Variants in WNK1 observed in about 807,000 individuals in gnomAD.
WNK1 encodes WNK lysine deficient protein kinase 1, also known as serine/threonine-protein kinase WNK1.
WNK1 carries 38 observed loss-of-function variants against 222.8 expected under a neutral mutation model. The observed-to-expected ratio is 0.17, with a 90% CI of 0.13 to 0.22. The LOEUF (loss-of-function observed/expected upper bound fraction) is 0.22, where lower values mean the gene tolerates loss of function less well. WNK1 is among the 10% of genes least tolerant of loss of function. WNK1 has a pLI of 1.00. For missense variants in WNK1, 2,348 were observed against 2,918.4 expected, an observed-to-expected ratio of 0.80 and a Z score of 4.50; for synonymous variants, 1,090 against 1,092.9, an observed-to-expected ratio of 1.00 and a Z score of 0.05.
chr12:856,329 C>G (rs1345657394), intron 4 of WNK1, among the ~76,000 whole-genome samples: 1 of 151,684 alleles, frequency 6.6e-6, no homozygotes, highest in Non-Finnish European at 1.5e-5. Flanking sequence ...TGGCGTATAC[C>G]TGTATTCCCG....
intron 1 of WNK1, among the ~76,000 whole-genome samples, chr12:812,956 A>G (rs1947037160): frequency 6.6e-6 from 1 of 152,142 alleles, no homozygotes; most frequent in Non-Finnish European, 1.5e-5. Flanking sequence ...GAAAAAAAAA[A>G]TTAGGCTTCA....
intron 1 of WNK1, among the ~76,000 whole-genome samples, chr12:787,484 G>T (rs1396401074): frequency 6.6e-6 from 1 of 152,172 alleles, no homozygotes; most frequent in Non-Finnish European, 1.5e-5. Flanking sequence ...CCAGAACAGG[G>T]TCTGGAAGTC....
At position 864,110 on chromosome 12, in the gene WNK1, G is replaced by GTTTTTTTTTTTTTTTTTTTTTTTTT. The variant is rs372936466; in HGVS notation, c.2139+1857_2139+1858insTTTTTTTTTTTTTTTTTTTTTTTTT. Among the ~76,000 whole-genome samples, 25 of 124,578 alleles carry GTTTTTTTTTTTTTTTTTTTTTTTTT rather than the reference G, an allele frequency of 2.0e-4. 1 individual carries two copies. Among genetic ancestry groups the GTTTTTTTTTTTTTTTTTTTTTTTTT allele is most frequent in the African/African-American group, 7.5e-4 (25 of 33,132 alleles). The allele number at this position is 124,578 out of a possible 152,430, so 81.7% of individuals were successfully genotyped here. The stretch of plus-strand genomic sequence containing the variant: ...ACCCTGTGCCTGAACATTTTTTTAA[G>GTTTTTTTTTTTTTTTTTTTTTTTTT]TTTTTTTTTTTTTTTTTGACAGCGT... On this transcript the variant is annotated intron_variant, in intron 8 of 27. Transcript: ENST00000315939.
rs183295134 is a variant in WNK1 at position 755,014 on chromosome 12, C to T, written c.759+690C>T. ...GCTTTGAGAGTCGTAATGTCATCATCATTGTTTTAATCTTATAAAATATCT... is the reference window on the plus strand; with the variant it reads ...GCTTTGAGAGTCGTAATGTCATCATTATTGTTTTAATCTTATAAAATATCT... On this transcript the variant is annotated intron_variant, in intron 1 of 27. Coordinates refer to ENST00000315939, the MANE Select transcript of WNK1 (RefSeq NM_018979.4). Among the ~76,000 whole-genome samples, 8 of 152,282 alleles carry T rather than the reference C, an allele frequency of 5.3e-5. No homozygotes were observed. In the East Asian group the frequency reaches 1.5e-3, roughly 29 times the overall value.
chr12:856,344 C>T (rs535366129), intron 4 of WNK1, among the ~76,000 whole-genome samples: 1 of 151,716 alleles, frequency 6.6e-6, no homozygotes, highest in East Asian at 2.0e-4. Context: ...TTCCCGGCTA[C>T]TCAGGAGGCT....
At position 884,109 on chromosome 12, in the gene WNK1, G is replaced by T; in HGVS notation, c.3722-12G>T. 6.2e-7 allele frequency: 1 copy of T among 1,614,052 alleles called. No individual in the cohort carries two copies. The highest frequency in any genetic ancestry group is 8.5e-7 in the Non-Finnish European group (1 of 1,179,976). The stretch of plus-strand genomic sequence containing the variant: ...GCTATTAAGTTACGTTTGTTTGTTT[G>T]TTTTTGACCAGGCATTCCTACCAGT... On this transcript the variant is annotated splice_polypyrimidine_tract_variant and intron_variant, in intron 17 of 27. Transcript: ENST00000315939. This position sits in a 1 kb window ranked among gnomAD's most constrained non-coding sequence, Gnocchi z 5.6.
chr12:811,912 C>G lies in WNK1; in HGVS notation c.760-1730C>G, dbSNP rs372410200. ...ATACTTTTCAGAAAGGATAAAAACA[C>G]TTAGCTATATAAAGTAGCCTGTATT... On this transcript the variant is annotated intron_variant, in intron 1 of 27. Transcript: ENST00000315939. Among the ~76,000 whole-genome samples, 3 of 152,124 alleles carry G rather than the reference C, an allele frequency of 2.0e-5. No homozygotes were observed. In the South Asian group the frequency reaches 6.2e-4, roughly 31 times the overall value.
At chr12:844,285 G>A (rs1179399935) in intron 4 of WNK1, among the ~76,000 whole-genome samples, 1 of 152,000 alleles carries the variant, frequency 6.6e-6, no homozygotes, top group Non-Finnish European at 1.5e-5. Flanking sequence ...ATAGGCATGG[G>A]CCACCACAGC....
intron 1 of WNK1, among the ~76,000 whole-genome samples, chr12:755,560 G>T (rs1335442149): frequency 6.6e-6 from 1 of 151,932 alleles, no homozygotes; most frequent in East Asian, 1.9e-4. Context: ...AACTTCTAAG[G>T]TAGTGTGAAA....
At chr12:896,766 A>G (rs757064758) in intron 24 of WNK1, 34 bp downstream of exon 24, 2 of 1,604,164 alleles carry the variant, frequency 1.2e-6, no homozygotes, top group Admixed American at 1.7e-5. Context: ...AGAATGTCAG[A>G]TAAGGTTTTC....
intron 3 of WNK1, among the ~76,000 whole-genome samples, chr12:829,291 T>C (rs1434822511): frequency 6.6e-6 from 1 of 152,298 alleles, no homozygotes; most frequent in East Asian, 1.9e-4. Flanking sequence ...GTGTGTGTGT[T>C]TGTCTTTTTG....
At chr12:881,455 A>C in intron 12 of WNK1, 1 of 550,506 alleles carries the variant, frequency 1.8e-6, no homozygotes, top group Non-Finnish European at 3.3e-6. Flanking sequence ...CACACTGCCT[A>C]GCAGATATGT....
intron 4 of WNK1, among the ~76,000 whole-genome samples, chr12:846,724 A>T (rs1356855032): frequency 6.6e-6 from 1 of 152,196 alleles, no homozygotes; most frequent in Non-Finnish European, 1.5e-5. Flanking sequence ...AGGTTTGAAC[A>T]TTTTGTCTGG....
intron 4 of WNK1, among the ~76,000 whole-genome samples, chr12:836,319 T>C (rs1369201016): frequency 6.6e-6 from 1 of 152,234 alleles, no homozygotes; most frequent in African/African-American, 2.4e-5. Flanking sequence ...ATTATGGTAG[T>C]CATAACTGCC....
At chr12:791,162 T>A (rs1944793185) in intron 1 of WNK1, among the ~76,000 whole-genome samples, 1 of 151,772 alleles carries the variant, frequency 6.6e-6, no homozygotes, top group South Asian at 2.1e-4. Context: ...ATATAATAAT[T>A]AAGTAACATA....
intron 1 of WNK1, among the ~76,000 whole-genome samples, chr12:797,495 A>G (rs1298977497): frequency 1.3e-5 from 2 of 152,214 alleles, no homozygotes; most frequent in African/African-American, 2.4e-5. Flanking sequence ...TACAGCAGCA[A>G]TCCTAATGAT....
chr12:893,017 G>T (rs1954401111), intron 22 of WNK1, among the ~76,000 whole-genome samples: 1 of 152,202 alleles, frequency 6.6e-6, no homozygotes, highest in African/African-American at 2.4e-5. Context: ...CACTTTGGGA[G>T]GCCAAAGCAG....
chr12:776,518 C>T lies in WNK1; in HGVS notation c.759+22194C>T, dbSNP rs552267966. ...CAATCTTGGCTCACTGCAACCTCCA[C>T]CTCCCAGGTTCAAGCGATTCTTCTG... is the stretch of plus-strand genomic sequence containing the variant. On this transcript the variant is annotated intron_variant, in intron 1 of 27. Transcript: ENST00000315939. 3.1e-4 allele frequency among the ~76,000 whole-genome samples: 46 copies of T among 150,568 alleles called. 1 individual carries two copies. The highest frequency in any genetic ancestry group is 1.0e-3 in the African/African-American group (42 of 40,974).
intron 1 of WNK1, among the ~76,000 whole-genome samples, chr12:767,495 C>T (rs1941912871): frequency 6.6e-6 from 1 of 152,042 alleles, no homozygotes; most frequent in Non-Finnish European, 1.5e-5. Context: ...CCGTGATCCA[C>T]CCTCCTTGGC....
Sources: gnomAD v4.1 joint callset for allele counts (sites outside exome capture counted in the v4.1 genomes callset) on GRCh38, gnomAD v4.1.1 for gene constraint, Gnocchi (gnomAD v3.1) non-coding constraint, MANE v1.5 for transcripts, NCBI Gene and HGNC (gene_info 2026-07-23, HGNC 2026-07-21) for gene names.